RAB17: variants seen among roughly 807,000 people sequenced by gnomAD.
The protein encoded by RAB17 is ras-related protein Rab-17.
Under a neutral mutation model 19.3 loss-of-function variants are expected in RAB17, and 15 were observed. The ratio of observed to expected loss-of-function variants is 0.78; its 90% CI spans 0.52 to 1.20. The LOEUF (loss-of-function observed/expected upper bound fraction) is 1.20, where lower values mean the gene tolerates loss of function less well. Ranked by LOEUF, RAB17 falls within the 50% of genes most tolerant of loss-of-function variation. The probability of loss-of-function intolerance (pLI) is 0.00; values close to 1 mark genes in which losing one functional copy is unlikely to be tolerated. For synonymous variants in RAB17, 110 were observed against 112.8 expected (o/e 0.97, Z 0.16); for missense variants, 262 against 269.3 (o/e 0.97, Z 0.19).
intron 2 of RAB17, among the ~76,000 whole-genome samples, chr2:237,579,733 G>GAGAACAGGAGGCTGGACAA (rs1207314817): frequency 1.3e-4 from 20 of 152,084 alleles, no homozygotes; most frequent in African/African-American, 4.8e-4. Context: ...CCACTAGACA[G>GAGAACAGGAGGCTGGACAA]AGAACAGGAG....
At chr2:237,577,450 G>A in intron 3 of RAB17, 68 bp from the exon 4 acceptor site, 1 of 1,509,400 alleles carries the variant, frequency 6.6e-7, no homozygotes, top group Admixed American at 1.9e-5. Context: ...TCCGGGAGGG[G>A]GAAGCCAGTG....
chr2:237,574,561 T>C lies in RAB17; in HGVS notation c.*458A>G. ...CACCCCACAGTCAGTCATCGCTCCA[T>C]TTCTTCCTGGCACCACCACCTCCAT... On this transcript the variant is annotated 3_prime_UTR_variant, in exon 6 of 6. Transcript: ENST00000264601. 1.3e-6 allele frequency: 2 copies of C among 1,549,684 alleles called. No homozygotes were observed. Among genetic ancestry groups the C allele is most frequent in the East Asian group, 2.4e-5 (1 of 40,854 alleles).
rs749997333 is a variant in RAB17, at chr2:237,586,105, G to C, written c.50C>G (p.Pro17Arg). ...CAGGAGAACCAGCTTGAACACACGGGGCTGGCTGGGGGCAGCCCTGGGCTG... is the reference window on the plus strand; with the variant it reads ...CAGGAGAACCAGCTTGAACACACGGCGCTGGCTGGGGGCAGCCCTGGGCTG... Reference protein sequence around the residue: ...TPQPRAAPSQPRVFKLVLLGS... With the variant: ...TPQPRAAPSQRRVFKLVLLGS... The change falls in exon 2 of 6, where the codon CCC becomes CGC. Residue 17 changes from proline to arginine, a missense_variant. Transcript: ENST00000264601. The C allele has an allele frequency of 1.2e-6, 2 of 1,612,598 alleles. No individual in the cohort carries two copies. Among genetic ancestry groups the C allele is most frequent in the Admixed American group, 1.7e-5 (1 of 59,864 alleles).
chr2:237,583,940 C>T (rs2081328281), intron 2 of RAB17, among the ~76,000 whole-genome samples: 1 of 150,682 alleles, frequency 6.6e-6, no homozygotes, highest in South Asian at 2.1e-4. Flanking sequence ...GCAAAGACCC[C>T]CAACCTGGCC....
At chr2:237,577,218 C>G (rs2149182195) in intron 4 of RAB17, 39 bp downstream of exon 4, 1 of 1,587,946 alleles carries the variant, frequency 6.3e-7, no homozygotes, top group South Asian at 1.1e-5. Flanking sequence ...GGGCTCTCTC[C>G]TGCTGTGGAA....
At chr2:237,579,275 T>A (rs949658459) in intron 2 of RAB17, 2 of 152,084 alleles carry the variant, frequency 1.3e-5, no homozygotes, top group African/African-American at 4.8e-5. Flanking sequence ...AAACTTACAC[T>A]CCAAGGACAG....
chr2:237,586,275 A>C, intron 1 of RAB17, 118 bp from the exon 2 acceptor site: 2 of 1,019,532 alleles, frequency 2.0e-6, no homozygotes, highest in South Asian at 1.9e-5. Context: ...AGAGCTCCCA[A>C]CTCAGAGGCC....
chr2:237,579,054 A>C (rs2081288810), intron 2 of RAB17: 1 of 152,206 alleles, frequency 6.6e-6, no homozygotes, highest in South Asian at 2.1e-4. Flanking sequence ...TAGATCTCCA[A>C]AATGTTTTGC....
chr2:237,582,582 G>A (rs1195258335), intron 2 of RAB17, among the ~76,000 whole-genome samples: 1 of 152,158 alleles, frequency 6.6e-6, no homozygotes, highest in Non-Finnish European at 1.5e-5. Flanking sequence ...CGCCTGTGAG[G>A]ACAGCACTCC....
Position 237,575,018 on chromosome 2 carries a change from C to T in RAB17, c.*1G>A. 2 of 1,607,556 alleles carry T rather than the reference C, an allele frequency of 1.2e-6. No individual in the cohort carries two copies. The highest frequency in any genetic ancestry group is 8.5e-7 in the Non-Finnish European group (1 of 1,176,310). On this transcript the variant is annotated 3_prime_UTR_variant, in exon 6 of 6. Transcript: ENST00000264601. ...CCCACAGCCCCCAGGAGTGGCTGCACCTAGTGGGCGCAGCATTTGGCCTGC... is the reference window on the plus strand; with the variant it reads ...CCCACAGCCCCCAGGAGTGGCTGCATCTAGTGGGCGCAGCATTTGGCCTGC...
At chr2:237,589,752 A>G (rs1267740120) in intron 1 of RAB17, among the ~76,000 whole-genome samples, 1 of 152,198 alleles carries the variant, frequency 6.6e-6, no homozygotes, top group Non-Finnish European at 1.5e-5. Flanking sequence ...TTTCAGGAAC[A>G]CCATATTCAA....
At chr2:237,577,880 G>T in intron 3 of RAB17, 124 bp downstream of exon 3, 1 of 1,110,072 alleles carries the variant, frequency 9.0e-7, no homozygotes, top group Non-Finnish European at 1.3e-6. Context: ...CCTGGAGGAG[G>T]TGACTGTTGC....
chr2:237,575,337 G>A (rs1166720600), intron 5 of RAB17, 50 bp downstream of exon 5: 1 of 1,469,584 alleles, frequency 6.8e-7, no homozygotes, highest in Non-Finnish European at 9.4e-7. Context: ...AGGGAAGTTG[G>A]TCAGGGACAA....
rs759130923 is a variant in RAB17 at position 237,574,538 on chromosome 2, C to T, written c.*481G>A. On this transcript the variant is annotated 3_prime_UTR_variant, in exon 6 of 6. Transcript: ENST00000264601. ...CCAAGATGTGGAAATCCTGGGCCCACCCCACAGTCAGTCATCGCTCCATTT... is the reference window on the plus strand; with the variant it reads ...CCAAGATGTGGAAATCCTGGGCCCATCCCACAGTCAGTCATCGCTCCATTT... 1.9e-6 allele frequency: 3 copies of T among 1,550,348 alleles called. No individual in the cohort carries two copies. Among genetic ancestry groups the T allele is most frequent in the South Asian group, 1.2e-5 (1 of 84,006 alleles).
rs543180084 is a variant in RAB17, at chr2:237,577,974, G to A, written c.309+30C>T. ...CCAGAAGGCAGGTGCTTGGGAAGGAGGGTGGGACGTGCCTCAAGGCGGGCC... is the reference window on the plus strand; with the variant it reads ...CCAGAAGGCAGGTGCTTGGGAAGGAAGGTGGGACGTGCCTCAAGGCGGGCC... On this transcript the variant is annotated intron_variant, in intron 3 of 5. Coordinates refer to ENST00000264601, the MANE Select transcript of RAB17 (RefSeq NM_022449.4). 1.6e-5 allele frequency: 26 copies of A among 1,575,806 alleles called. No homozygotes were observed. In the South Asian group the frequency reaches 2.9e-4, roughly 17 times the overall value.
intron 1 of RAB17, among the ~76,000 whole-genome samples, chr2:237,587,057 T>C (rs539965623): frequency 6.6e-6 from 1 of 152,242 alleles, no homozygotes; most frequent in South Asian, 2.1e-4. Flanking sequence ...CTATGAACTC[T>C]GTATTTTTGA....
In RAB17 at chr2:237,574,408, C is replaced by T. The variant is rs1276096371; in HGVS notation, c.*611G>A. On this transcript the variant is annotated 3_prime_UTR_variant, in exon 6 of 6. Coordinates refer to ENST00000264601, the MANE Select transcript of RAB17 (RefSeq NM_022449.4). ...CTCAGGCGAAATGTCTCAGAATCTT[C>T]CTGCTCATTGGACAGAAACTCAGCT... 3 of 1,542,746 alleles carry T rather than the reference C, an allele frequency of 1.9e-6. No individual in the cohort carries two copies. Among genetic ancestry groups the T allele is most frequent in the Admixed American group, 2.0e-5 (1 of 49,976 alleles).
rs561454516 is a variant in RAB17, at chr2:237,587,007, G to A, written c.-3-850C>T. The stretch of plus-strand genomic sequence containing the variant: ...AGGTTGTCCTGTAGATTTCCAGTAC[G>A]GATGTTGCTGATTACACCCCTGTGT... On this transcript the variant is annotated intron_variant, in intron 1 of 5. Transcript: ENST00000264601. Among the ~76,000 whole-genome samples, 4 of 152,278 alleles carry A rather than the reference G, an allele frequency of 2.6e-5. No homozygotes were observed. The East Asian group carries it at 5.8e-4, about 22-fold the overall frequency.
intron 2 of RAB17, chr2:237,578,976 C>T (rs1559395448): frequency 2.0e-5 from 3 of 152,060 alleles, no homozygotes; most frequent in Non-Finnish European, 4.4e-5. Context: ...TTGGGCAATG[C>T]ACTGTTCATT....
Sources: allele counts gnomAD v4.1 joint callset (sites outside exome capture counted in the v4.1 genomes callset), GRCh38; gene constraint gnomAD v4.1.1; transcripts MANE v1.5; gene names NCBI Gene and HGNC (gene_info 2026-07-23, HGNC 2026-07-21).